Variants in PXDNL observed in about 807,000 individuals in gnomAD.
PXDNL encodes the protein peroxidasin like.
In PXDNL, 145 loss-of-function variants were observed where a neutral mutation model predicts 150.8. The observed-to-expected ratio is 0.96, with a 90% confidence interval of 0.84 to 1.10. The LOEUF (loss-of-function observed/expected upper bound fraction) is 1.10, where lower values mean the gene tolerates loss of function less well. Among genes scored for constraint, PXDNL ranks in the 50% least tolerant of loss-of-function variants. The pLI is 0.00. For synonymous variants in PXDNL, 757 were observed against 725.7 expected (o/e 1.04, Z -0.69); for missense variants, 2,087 against 1,873.9 (o/e 1.11, Z -2.10).
chr8:51,379,103 T>C (rs931219338), intron 17 of PXDNL, among the ~76,000 whole-genome samples: 1 of 152,212 alleles, frequency 6.6e-6, no homozygotes, highest in Admixed American at 6.5e-5. Context: ...ATGGAGATTT[T>C]TTTAATTAGT....
At chr8:51,549,854 G>A (rs1468584227) in intron 4 of PXDNL, among the ~76,000 whole-genome samples, 1 of 151,988 alleles carries the variant, frequency 6.6e-6, no homozygotes, top group African/African-American at 2.4e-5. Flanking sequence ...AAATGAAATG[G>A]AAACAAACAA....
intron 1 of PXDNL, among the ~76,000 whole-genome samples, chr8:51,717,701 A>G (rs1816642089): frequency 6.6e-6 from 1 of 152,236 alleles, no homozygotes; most frequent in Non-Finnish European, 1.5e-5. Context: ...CTCAGGGAAA[A>G]GGAAATAGTG....
chr8:51,404,843 G>T (rs1477027888), intron 17 of PXDNL, among the ~76,000 whole-genome samples: 1 of 152,242 alleles, frequency 6.6e-6, no homozygotes, highest in Admixed American at 6.5e-5. Context: ...CCCTTGGGCG[G>T]TCGATGGGAC....
chr8:51,768,259 GT>G (rs35755307), intron 1 of PXDNL, among the ~76,000 whole-genome samples: 9,242 of 141,754 alleles, frequency 0.065, 325 homozygotes, highest in Non-Finnish European at 0.089. Context: ...TTTTATCAGT[GT>G]TTTTTTTTTT....
chr8:51,711,940 G>A (rs928510528), intron 1 of PXDNL, among the ~76,000 whole-genome samples: 1 of 152,216 alleles, frequency 6.6e-6, no homozygotes, highest in Non-Finnish European at 1.5e-5. Context: ...CAATCACTGA[G>A]ACAACAAGTA....
intron 1 of PXDNL, among the ~76,000 whole-genome samples, chr8:51,706,323 C>CA (rs10714824): frequency 8.3e-4 from 117 of 141,764 alleles, no homozygotes; most frequent in East Asian, 4.1e-3. Flanking sequence ...AACTCCGTCT[C>CA]AAAAAAAAAA....
At chr8:51,652,448 CACACACACACACAA>C (rs1815061611) in intron 2 of PXDNL, among the ~76,000 whole-genome samples, 1 of 151,206 alleles carries the variant, frequency 6.6e-6, no homozygotes, top group African/African-American at 2.4e-5. Flanking sequence ...CTCACACACA[CACACACACACACAA>C]ACACACACAC....
At chr8:51,487,602 A>G (rs1395943418) in intron 5 of PXDNL, among the ~76,000 whole-genome samples, 1 of 152,208 alleles carries the variant, frequency 6.6e-6, no homozygotes, top group Admixed American at 6.5e-5. Context: ...CTCTAAAGTA[A>G]CTTGAACATT....
intron 1 of PXDNL, among the ~76,000 whole-genome samples, chr8:51,665,545 G>A (rs935253178): frequency 1.3e-5 from 2 of 152,184 alleles, no homozygotes; most frequent in African/African-American, 4.8e-5. Flanking sequence ...GCAGGGAAAT[G>A]TCTAACTATC....
intron 1 of PXDNL, among the ~76,000 whole-genome samples, chr8:51,697,373 T>C (rs1816170273): frequency 6.6e-6 from 1 of 152,174 alleles, no homozygotes; most frequent in Non-Finnish European, 1.5e-5. Flanking sequence ...TAATTATTTT[T>C]ATTTTCAAAA....
At chr8:51,762,629 T>C (rs528456946) in intron 1 of PXDNL, among the ~76,000 whole-genome samples, 1 of 152,334 alleles carries the variant, frequency 6.6e-6, no homozygotes, top group East Asian at 1.9e-4. Flanking sequence ...AGCTCCCACT[T>C]TGAGTTGTCC....
intron 16 of PXDNL, 100 bp downstream of exon 16, chr8:51,411,150 C>A: frequency 2.0e-6 from 2 of 1,009,540 alleles, no homozygotes; most frequent in South Asian, 3.7e-5. Flanking sequence ...TTCTAAATCC[C>A]ATGATATTCT....
Position 51,789,116 on chromosome 8 carries a change from T to C in PXDNL, c.164+20065A>G, listed in dbSNP as rs575395055. Among the ~76,000 whole-genome samples, 24 of 152,232 alleles carry C rather than the reference T, an allele frequency of 1.6e-4. No individual in the cohort carries two copies. The East Asian group carries it at 4.7e-3, about 30-fold the overall frequency. On this transcript the variant is annotated intron_variant, in intron 1 of 22. Transcript: ENST00000356297. ...CTGAATACTTTCCTACTTTCCCTAT[T>C]CTGTAAGACAAATTTCAGGTTCTCA...
At chr8:51,557,630 G>A (rs1292869596) in intron 3 of PXDNL, among the ~76,000 whole-genome samples, 2 of 152,084 alleles carry the variant, frequency 1.3e-5, no homozygotes, top group African/African-American at 4.8e-5. Flanking sequence ...CTTCTATCAA[G>A]TGTCTTCGGA....
chr8:51,577,928 AAAGAAAGAAAGAAAG>A (rs1276645068), intron 3 of PXDNL, among the ~76,000 whole-genome samples: 4 of 32,880 alleles, frequency 1.2e-4, no homozygotes, highest in African/African-American at 4.0e-4. Context: ...GAAAGAAAAG[AAAGAAAGAAAGAAAG>A]AAAGAAAGAA....
rs535266998 is a variant in PXDNL, at chr8:51,490,609, C to A, written c.453-6895G>T. ...TATGTATATATATATATTTAGTGGACTTTATTTATGAGTCACATATATATA... is the reference window on the plus strand; with the variant it reads ...TATGTATATATATATATTTAGTGGAATTTATTTATGAGTCACATATATATA... On this transcript the variant is annotated intron_variant, in intron 5 of 22. Coordinates refer to ENST00000356297, the MANE Select transcript of PXDNL (RefSeq NM_144651.5). Among the ~76,000 whole-genome samples the A allele has an allele frequency of 1.9e-4, 28 of 149,176 alleles. 1 individual carries two copies. The South Asian group carries it at 5.7e-3, about 30-fold the overall frequency.
intron 2 of PXDNL, among the ~76,000 whole-genome samples, chr8:51,600,686 T>C (rs1026521848): frequency 2.2e-5 from 3 of 138,486 alleles, no homozygotes; most frequent in African/African-American, 7.7e-5. Context: ...ATTTATATGA[T>C]AAATTACATC....
At chr8:51,666,911 A>G (rs986984751) in intron 1 of PXDNL, among the ~76,000 whole-genome samples, 1 of 152,086 alleles carries the variant, frequency 6.6e-6, no homozygotes, top group Non-Finnish European at 1.5e-5. Flanking sequence ...GCTGTCCATC[A>G]CCAGCAGAGG....
chr8:51,602,710 ATCTTT>A (rs1250252515), intron 2 of PXDNL, among the ~76,000 whole-genome samples: 1 of 151,672 alleles, frequency 6.6e-6, no homozygotes, highest in Non-Finnish European at 1.5e-5. Context: ...TTTGTTTTGT[ATCTTT>A]TCTTTATCAA....
Sources: gnomAD v4.1 joint callset for allele counts (sites outside exome capture counted in the v4.1 genomes callset) on GRCh38, gnomAD v4.1.1 for gene constraint, MANE v1.5 for transcripts, NCBI Gene and HGNC (gene_info 2026-07-23, HGNC 2026-07-21) for gene names.